Variants in CCDC148 observed in about 807,000 individuals in gnomAD.
The protein encoded by CCDC148 is coiled-coil domain containing 148, also known as coiled-coil domain-containing protein 148.
CCDC148 carries 89 observed loss-of-function variants against 85.7 expected under a neutral mutation model. That is an observed-to-expected ratio of 1.04 (90% confidence interval 0.87 to 1.24). CCDC148 has a LOEUF of 1.24. CCDC148 is among the 50% of genes most tolerant of loss of function. CCDC148 has a pLI of 0.00. For missense variants in CCDC148, 692 were observed against 671.7 expected (o/e 1.03, Z -0.33); for synonymous variants, 230 against 213.9 (o/e 1.08, Z -0.66).
chr2:158,283,660 A>G (rs1444780734), intron 9 of CCDC148, among the ~76,000 whole-genome samples: 1 of 151,946 alleles, frequency 6.6e-6, no homozygotes, highest in Admixed American at 6.6e-5. Flanking sequence ...AAATAGGAAC[A>G]CTTTTACACT....
chr2:158,452,131 G>T (rs1423671185), intron 1 of CCDC148, among the ~76,000 whole-genome samples: 1 of 152,158 alleles, frequency 6.6e-6, no homozygotes, highest in Non-Finnish European at 1.5e-5. Flanking sequence ...AATTACATAT[G>T]TACACAAAGC....
chr2:158,265,928 G>T (rs1288589616), intron 9 of CCDC148, among the ~76,000 whole-genome samples: 1 of 152,030 alleles, frequency 6.6e-6, no homozygotes, highest in Non-Finnish European at 1.5e-5. Flanking sequence ...TTCACATCCT[G>T]TCACCAAATC....
intron 7 of CCDC148, among the ~76,000 whole-genome samples, chr2:158,329,025 C>T (rs1692946884): frequency 6.6e-6 from 1 of 152,174 alleles, no homozygotes; most frequent in African/African-American, 2.4e-5. Flanking sequence ...TTAACTAGAT[C>T]CCATTTGTCA....
At chr2:158,176,486 G>A in intron 13 of CCDC148, 35 bp downstream of exon 13, 1 of 1,601,148 alleles carries the variant, frequency 6.2e-7, no homozygotes, top group Non-Finnish European at 8.5e-7. Context: ...CATCATCATG[G>A]CTTTTTCATC....
intron 8 of CCDC148, among the ~76,000 whole-genome samples, chr2:158,311,214 A>C (rs1691994755): frequency 6.6e-6 from 1 of 152,236 alleles, no homozygotes; most frequent in Non-Finnish European, 1.5e-5. Flanking sequence ...CTCCGTCTGC[A>C]ATCCCGGCAC....
intron 11 of CCDC148, among the ~76,000 whole-genome samples, chr2:158,214,121 T>TAAAAAAAAAA (rs70990697): frequency 1.0e-5 from 1 of 96,626 alleles, no homozygotes; most frequent in Non-Finnish European, 2.0e-5. Context: ...AACATTGTGG[T>TAAAAAAAAAA]AAAAAAAAAA....
intron 1 of CCDC148, among the ~76,000 whole-genome samples, chr2:158,418,102 T>C (rs1686589006): frequency 6.6e-6 from 1 of 151,988 alleles, no homozygotes; most frequent in African/African-American, 2.4e-5. Context: ...TTGAGTGTTT[T>C]TTTTTTTAGT....
intron 1 of CCDC148, among the ~76,000 whole-genome samples, chr2:158,448,756 T>C (rs1229154920): frequency 6.6e-6 from 1 of 152,184 alleles, no homozygotes; most frequent in Non-Finnish European, 1.5e-5. Context: ...TTTTCTAAAA[T>C]TTATTCTTAA....
At chr2:158,446,711 C>A (rs1254997593) in intron 1 of CCDC148, among the ~76,000 whole-genome samples, 1 of 152,158 alleles carries the variant, frequency 6.6e-6, no homozygotes, top group Non-Finnish European at 1.5e-5. Context: ...ACCATTACCA[C>A]TATCCACTTT....
intron 1 of CCDC148, among the ~76,000 whole-genome samples, chr2:158,381,660 G>A (rs185129291): frequency 2.0e-4 from 31 of 152,142 alleles, no homozygotes; most frequent in Middle Eastern, 3.4e-3. Flanking sequence ...TCATAGCAGC[G>A]CTATCTCCAG....
At chr2:158,360,139 G>C (rs1014150422) in intron 1 of CCDC148, among the ~76,000 whole-genome samples, 1 of 152,222 alleles carries the variant, frequency 6.6e-6, no homozygotes, top group African/African-American at 2.4e-5. Flanking sequence ...CCTCCTCTAT[G>C]GGCAGGGAAT....
intron 9 of CCDC148, among the ~76,000 whole-genome samples, chr2:158,261,941 T>C (rs574487840): frequency 6.6e-6 from 1 of 152,240 alleles, no homozygotes; most frequent in East Asian, 1.9e-4. Flanking sequence ...TCAACCATTA[T>C]GGAAAGCAGT....
Position 158,454,099 on chromosome 2 carries a change from A to G in CCDC148, c.25+2316T>C, listed in dbSNP as rs536116433. 2.0e-5 allele frequency among the ~76,000 whole-genome samples: 3 copies of G among 152,302 alleles called. No homozygotes were observed. In the South Asian group the frequency reaches 6.2e-4, roughly 32 times the overall value. The stretch of plus-strand genomic sequence containing the variant: ...GGACATTTTTGTAGGAGAGAACTTA[A>G]TTGGCAAAATAAGCTAGGATTTTGA... On this transcript the variant is annotated intron_variant, in intron 1 of 13. Coordinates refer to ENST00000283233, the MANE Select transcript of CCDC148 (RefSeq NM_138803.4).
chr2:158,321,984 T>C (rs1288696806), intron 7 of CCDC148, among the ~76,000 whole-genome samples: 1 of 152,172 alleles, frequency 6.6e-6, no homozygotes, highest in Non-Finnish European at 1.5e-5. Context: ...TATTCACACA[T>C]GACGGCAATC....
intron 1 of CCDC148, among the ~76,000 whole-genome samples, chr2:158,370,506 A>G (rs962051046): frequency 6.6e-6 from 1 of 152,058 alleles, no homozygotes; most frequent in African/African-American, 2.4e-5. Flanking sequence ...GGTCATTTTC[A>G]TATGAAAGAT....
chr2:158,359,501 T>A (rs1040380530), intron 1 of CCDC148, among the ~76,000 whole-genome samples: 2 of 152,074 alleles, frequency 1.3e-5, no homozygotes, highest in African/African-American at 4.8e-5. Flanking sequence ...TCATTGGGAC[T>A]GGTTAGACAG....
At chr2:158,348,308 C>T (rs1683093454) in intron 2 of CCDC148, among the ~76,000 whole-genome samples, 1 of 151,832 alleles carries the variant, frequency 6.6e-6, no homozygotes, top group Non-Finnish European at 1.5e-5. Flanking sequence ...ACTGGAAATA[C>T]AAGAAACAGA....
At chr2:158,323,416 A>C (rs1176069276) in intron 7 of CCDC148, among the ~76,000 whole-genome samples, 1 of 152,232 alleles carries the variant, frequency 6.6e-6, no homozygotes, top group Non-Finnish European at 1.5e-5. Context: ...CTTTAAAATA[A>C]ATTTCACCTT....
intron 11 of CCDC148, among the ~76,000 whole-genome samples, chr2:158,198,567 T>C (rs914117696): frequency 6.6e-6 from 1 of 152,210 alleles, no homozygotes; most frequent in Non-Finnish European, 1.5e-5. Context: ...TACACACACG[T>C]CATTTCATGC....
Sources: gnomAD v4.1 joint callset for allele counts (sites outside exome capture counted in the v4.1 genomes callset) on GRCh38, gnomAD v4.1.1 for gene constraint, MANE v1.5 for transcripts, NCBI Gene and HGNC (gene_info 2026-07-23, HGNC 2026-07-21) for gene names.